Variants in PDPK1 observed in about 807,000 individuals in gnomAD.
The protein encoded by PDPK1 is 3-phosphoinositide dependent protein kinase 1, also known as 3-phosphoinositide-dependent protein kinase 1.
PDPK1 carries 7 observed loss-of-function variants against 39.8 expected under a neutral mutation model. The observed-to-expected ratio is 0.18, with a 90% CI of 0.10 to 0.33. The LOEUF (loss-of-function observed/expected upper bound fraction) is 0.33, where lower values mean the gene tolerates loss of function less well. Among genes scored for constraint, PDPK1 ranks in the 10% least tolerant of loss-of-function variants. The probability of loss-of-function intolerance (pLI) is 1.00; values close to 1 mark genes in which losing one functional copy is unlikely to be tolerated. For missense variants in PDPK1, 182 were observed against 384.7 expected (o/e 0.47, Z 4.41); for synonymous variants, 118 against 159.1 (o/e 0.74, Z 1.95).
At chr16:2,558,066 C>T in intron 2 of PDPK1, 103 bp downstream of exon 2, 1 of 1,392,586 alleles carries the variant, frequency 7.2e-7, no homozygotes, top group Non-Finnish European at 1.0e-6. Flanking sequence ...TGGTGTCCTT[C>T]CAGGCAGGAG....
rs961600586 is a variant in PDPK1 at position 2,598,381 on chromosome 16, C to G, written c.*614C>G. On this transcript the variant is annotated 3_prime_UTR_variant, in exon 14 of 14. Coordinates refer to ENST00000342085, the MANE Select transcript of PDPK1 (RefSeq NM_002613.5). ...CTGTGGTGGCTCTGGTGGCAGCTTT[C>G]TGTGGCCCCTGCTGTGTTGGCAGGC... 1.3e-4 allele frequency: 30 copies of G among 234,310 alleles called. No individual in the cohort carries two copies. Among genetic ancestry groups the G allele is most frequent in the Middle Eastern group, 1.3e-3 (1 of 800 alleles). The allele number at this position is 234,310 out of a possible 1,614,324, so 14.5% of individuals were successfully genotyped here.
intron 11 of PDPK1, among the ~76,000 whole-genome samples, chr16:2,588,065 C>T (rs2066913742): frequency 6.6e-6 from 1 of 152,094 alleles, no homozygotes; most frequent in Non-Finnish European, 1.5e-5. Context: ...AGGGACAGGA[C>T]ACATGTGACT....
chr16:2,588,531 C>T (rs922548376), intron 11 of PDPK1, among the ~76,000 whole-genome samples: 1 of 152,204 alleles, frequency 6.6e-6, no homozygotes, highest in Non-Finnish European at 1.5e-5. Context: ...AGAGGCCCCT[C>T]TGCCTGGGGC....
intron 10 of PDPK1, among the ~76,000 whole-genome samples, chr16:2,585,628 A>C (rs2066854254): frequency 6.6e-6 from 1 of 152,210 alleles, no homozygotes; most frequent in Non-Finnish European, 1.5e-5. Flanking sequence ...CAGGCTGGGC[A>C]GGCCCACACC....
rs2142015058 is a variant in PDPK1 at position 2,599,458 on chromosome 16, GC to G, written c.*1693del. ...GGGGCAGAGATGTTCCCCAGGCCCT[GC>G]CTGTGGTTCCTGCCTGGGCCTTGGC... On this transcript the variant is annotated 3_prime_UTR_variant, in exon 14 of 14. Coordinates refer to ENST00000342085, the MANE Select transcript of PDPK1 (RefSeq NM_002613.5). 1 of 233,216 alleles carries G rather than the reference GC, an allele frequency of 4.3e-6. No homozygotes were observed. Among genetic ancestry groups the G allele is most frequent in the East Asian group, 6.0e-5 (1 of 16,574 alleles). 14.4% of individuals were successfully genotyped at this position (233,216 alleles called of 1,614,324 possible).
chr16:2,602,006 A>C lies in PDPK1; in HGVS notation c.*4239A>C, dbSNP rs1314961431. On this transcript the variant is annotated 3_prime_UTR_variant, in exon 14 of 14. Transcript: ENST00000342085. ...CAGAGATTATGGCCAAATTGCACGG[A>C]ATTTGGTTTCTTGCCCTCTGAAGCC... The C allele has an allele frequency of 4.3e-6, 1 of 233,796 alleles. No homozygotes were observed. The highest frequency in any genetic ancestry group is 8.5e-6 in the Non-Finnish European group (1 of 117,664). 14.5% of individuals were successfully genotyped at this position (233,796 alleles called of 1,614,324 possible). A position where few individuals can be genotyped will look rare whatever the true frequency, so the allele number is the denominator to read the frequency against.
At chr16:2,585,387 A>G (rs948401637) in intron 10 of PDPK1, among the ~76,000 whole-genome samples, 1 of 152,202 alleles carries the variant, frequency 6.6e-6, no homozygotes, top group Non-Finnish European at 1.5e-5. Flanking sequence ...GTCTTGGCAA[A>G]CGGTGTCAAG....
chr16:2,601,962 C>G lies in PDPK1; in HGVS notation c.*4195C>G. On this transcript the variant is annotated 3_prime_UTR_variant, in exon 14 of 14. Transcript: ENST00000342085. ...AGGAGGTTTTTCTAGGCACCGTGTT[C>G]AGTGCTGCTTCACTCTACCAGAGAT... 8.6e-6 allele frequency: 2 copies of G among 233,390 alleles called. No individual in the cohort carries two copies. The highest frequency in any genetic ancestry group is 1.7e-5 in the Non-Finnish European group (2 of 117,368). The allele number at this position is 233,390 out of a possible 1,614,324, so 14.5% of individuals were successfully genotyped here.
At chr16:2,546,445 T>TGCCTCA (rs780767478) in intron 1 of PDPK1, among the ~76,000 whole-genome samples, 1 of 152,204 alleles carries the variant, frequency 6.6e-6, no homozygotes, top group Non-Finnish European at 1.5e-5. Flanking sequence ...GCGATTCTCC[T>TGCCTCA]GCCTCAGCCT....
rs1389097419 is a variant in PDPK1 at position 2,599,541 on chromosome 16, C to A, written c.*1774C>A. 2 of 232,628 alleles carry A rather than the reference C, an allele frequency of 8.6e-6. No individual in the cohort carries two copies. The highest frequency in any genetic ancestry group is 4.4e-5 in the African/African-American group (2 of 45,256). 14.4% of individuals were successfully genotyped at this position (232,628 alleles called of 1,614,324 possible). On this transcript the variant is annotated 3_prime_UTR_variant, in exon 14 of 14. Coordinates refer to ENST00000342085, the MANE Select transcript of PDPK1 (RefSeq NM_002613.5). The stretch of plus-strand genomic sequence containing the variant: ...TGACCGTGAGCTGGGGTGAGCTGGG[C>A]CGCACCTACCCTGGGGCCCCAGGGA...
chr16:2,594,116 C>T (rs1385107705), intron 11 of PDPK1: 2 of 152,394 alleles, frequency 1.3e-5, no homozygotes, highest in Non-Finnish European at 2.9e-5. Context: ...TGGGTAAGCC[C>T]TGGGGGAAGA....
At chr16:2,595,748 T>C (rs764122924) in intron 11 of PDPK1, 45 bp from the exon 12 acceptor site, 1 of 1,489,948 alleles carries the variant, frequency 6.7e-7, no homozygotes, top group Non-Finnish European at 9.4e-7. Flanking sequence ...AGAATTTCTG[T>C]TTGTGATTGT....
chr16:2,538,049 G>T lies in PDPK1; in HGVS notation c.-64G>T. 3 of 815,328 alleles carry T rather than the reference G, an allele frequency of 3.7e-6. No individual in the cohort carries two copies. Among genetic ancestry groups the T allele is most frequent in the Non-Finnish European group, 4.5e-6 (3 of 662,772 alleles). The allele number at this position is 815,328 out of a possible 1,614,324, so 50.5% of individuals were successfully genotyped here. ...GCTGGGGCTCCGCTTCGGGGAGGAGGACGCTGAGGAGGCGCCGAGCCGCGC... is the reference window on the plus strand; with the variant it reads ...GCTGGGGCTCCGCTTCGGGGAGGAGTACGCTGAGGAGGCGCCGAGCCGCGC... On this transcript the variant is annotated 5_prime_UTR_variant, in exon 1 of 14. Transcript: ENST00000342085.
intron 1 of PDPK1, among the ~76,000 whole-genome samples, chr16:2,544,501 T>C (rs763646900): frequency 9.9e-5 from 15 of 152,238 alleles, no homozygotes; most frequent in Non-Finnish European, 1.9e-4. Flanking sequence ...CATAGTACAA[T>C]GAATATCCCT....
chr16:2,540,578 TC>T (rs2066226910), intron 1 of PDPK1, among the ~76,000 whole-genome samples: 1 of 152,086 alleles, frequency 6.6e-6, no homozygotes, highest in Non-Finnish European at 1.5e-5. Flanking sequence ...CAGGATGTCT[TC>T]CCAGGGATTG....
chr16:2,538,135 T>C lies in PDPK1; in HGVS notation c.23T>C (p.Leu8Pro). 1.9e-6 allele frequency: 2 copies of C among 1,062,082 alleles called. No homozygotes were observed. The highest frequency in any genetic ancestry group is 2.3e-6 in the Non-Finnish European group (2 of 879,258). 65.8% of individuals were successfully genotyped at this position (1,062,082 alleles called of 1,614,324 possible). A position where few individuals can be genotyped will look rare whatever the true frequency, so the allele number is the denominator to read the frequency against. Residue 8 changes from leucine to proline, a missense_variant and splice_region_variant, in exon 1 of 14, where the codon CTG becomes CCG. Physicochemically the swap from Leu to Pro is moderately conservative, Grantham distance 98. Transcript: ENST00000342085. MARTTSQ[L>P]YDAVPIQSSV... ...CCCATGGCCAGGACCACCAGCCAGC[T>C]GGTGAGCGCGCGGCGGCGGACTGGA...
chr16:2,589,028 C>T (rs576389038), intron 11 of PDPK1, among the ~76,000 whole-genome samples: 23 of 152,112 alleles, frequency 1.5e-4, no homozygotes, highest in Non-Finnish European at 2.9e-4. Flanking sequence ...GTGATCTCTG[C>T]TCACACAACC....
At position 2,598,286 on chromosome 16, in the gene PDPK1, T is replaced by TGTCACCTGCTCCC. The variant is rs552190173; in HGVS notation, c.*520_*532dup. ...TTTGTGGAGGGAGCCGCCGTGCTTC[T>TGTCACCTGCTCCC]GTCACCTGCTCCCTTTCTTGCGTCT... is the stretch of plus-strand genomic sequence containing the variant. On this transcript the variant is annotated 3_prime_UTR_variant, in exon 14 of 14. Coordinates refer to ENST00000342085, the MANE Select transcript of PDPK1 (RefSeq NM_002613.5). The TGTCACCTGCTCCC allele has an allele frequency of 4.5e-3, 1,042 of 230,654 alleles. 3 individuals are homozygous for TGTCACCTGCTCCC. The highest frequency in any genetic ancestry group is 6.5e-3 in the Non-Finnish European group (770 of 118,512). The allele number at this position is 230,654 out of a possible 1,614,324, so 14.3% of individuals were successfully genotyped here.
At chr16:2,587,974 A>AG (rs927590107) in intron 11 of PDPK1, among the ~76,000 whole-genome samples, 1 of 152,074 alleles carries the variant, frequency 6.6e-6, no homozygotes, top group Non-Finnish European at 1.5e-5. Context: ...GAGGAGCCCA[A>AG]GGGGGTGGGG....
Sources: allele counts gnomAD v4.1 joint callset (sites outside exome capture counted in the v4.1 genomes callset), GRCh38; gene constraint gnomAD v4.1.1; transcripts MANE v1.5; gene names NCBI Gene and HGNC (gene_info 2026-07-23, HGNC 2026-07-21).